Variants in ZNF43 observed in about 807,000 individuals in gnomAD.
ZNF43 encodes zinc finger protein 43, also known as zinc finger protein 39-like 1 (KOX 27).
A neutral mutation model predicts 68.4 loss-of-function variants in ZNF43; 44 were observed. That is an observed-to-expected ratio of 0.64 (90% CI 0.51 to 0.83). The LOEUF (loss-of-function observed/expected upper bound fraction) is 0.83. Among genes scored for constraint, ZNF43 ranks in the 40% least tolerant of loss-of-function variants. The pLI is 0.00. For synonymous variants in ZNF43, 308 were observed against 307.8 expected (o/e 1.00, Z -0.01); for missense variants, 896 against 933.2 (o/e 0.96, Z 0.52).
At chr19:21,851,875 C>T in intron 1 of ZNF43, 4 of 1,561,894 alleles carry the variant, frequency 2.6e-6, no homozygotes, top group Non-Finnish European at 2.6e-6. Flanking sequence ...CTGCTCTCCC[C>T]TCTCGGGATG....
At position 21,819,221 on chromosome 19, in the gene ZNF43, C is replaced by A; in HGVS notation, c.4G>T (p.Gly2Ter). 1 of 1,586,056 alleles carries A rather than the reference C, an allele frequency of 6.3e-7. No individual in the cohort carries two copies. The highest frequency in any genetic ancestry group is 8.5e-7 in the Non-Finnish European group (1 of 1,171,100). The part of the protein sequence containing the change: M[G>*]PLTFMDVAIE... ...GCCACATCCATAAATGTCAATGGTC[C>A]CTAAAAAAAACAACACATACACACA... The change falls in exon 2 of 4, where the codon GGA (glycine) becomes TGA (stop). Residue 2 changes from glycine to a stop codon, truncating the protein, a stop_gained and splice_region_variant. Coordinates refer to ENST00000354959, the MANE Select transcript of ZNF43 (RefSeq NM_003423.4). LOFTEE classifies it high-confidence loss of function.
At chr19:21,833,039 T>C (rs1240729599) in intron 1 of ZNF43, among the ~76,000 whole-genome samples, 1 of 152,214 alleles carries the variant, frequency 6.6e-6, no homozygotes, top group East Asian at 1.9e-4. Flanking sequence ...CTGATGTTTT[T>C]ATGAATCTGT....
chr19:21,812,162 T>G, intron 3 of ZNF43: 1 of 370,290 alleles, frequency 2.7e-6, no homozygotes, highest in Non-Finnish European at 4.8e-6. Context: ...AGTCTCACTC[T>G]GTCACCCATG....
chr19:21,808,971 T>A lies in ZNF43; in HGVS notation c.1066A>T (p.Asn356Tyr). 6.2e-7 allele frequency: 1 copy of A among 1,613,842 alleles called. No homozygotes were observed. Among genetic ancestry groups the A allele is most frequent in the South Asian group, 1.1e-5 (1 of 91,070 alleles). Residue 356 changes from asparagine to tyrosine, a missense_variant, in exon 4 of 4, where the codon AAC becomes TAC. Physicochemically the swap from Asn to Tyr is moderately radical, Grantham distance 143 (BLOSUM62 -2). Transcript: ENST00000354959. ...TGGATTCTCTTATGTGTAGTAAGGT[T>A]TGAGAACTGGTTAAAGGCTTTGCCA... ...ECGKAFNQFS[N>Y]LTTHKRIHTA...
At chr19:21,836,251 G>A (rs969166032), upstream of ZNF43, 29 of 1,387,536 alleles carry the variant, frequency 2.1e-5, no homozygotes, top group South Asian at 9.5e-5. Context: ...ACGGTTTCCA[G>A]CCCAGCGTCC....
At position 21,823,923 on chromosome 19, in the gene ZNF43, G is replaced by A. The variant is rs974571844; in HGVS notation, c.4-4702C>T. Among the ~76,000 whole-genome samples the A allele has an allele frequency of 3.9e-5, 6 of 152,188 alleles. No homozygotes were observed. In the East Asian group the frequency reaches 5.8e-4, roughly 15 times the overall value. On this transcript the variant is annotated intron_variant, in intron 1 of 3. Coordinates refer to ENST00000354959, the MANE Select transcript of ZNF43 (RefSeq NM_003423.4). The stretch of plus-strand genomic sequence containing the variant: ...TGCCTGGCCAGGCGCAGTGGCTCAC[G>A]AATGTAATCCCAGCATTTGGGGAGG...
At chr19:21,810,735 G>A (rs2037232755) in intron 3 of ZNF43, among the ~76,000 whole-genome samples, 1 of 151,980 alleles carries the variant, frequency 6.6e-6, no homozygotes, top group Admixed American at 6.6e-5. Flanking sequence ...ATCACTTGGG[G>A]CCACAAGTTT....
chr19:21,849,578 G>A (rs1173216631), intron 1 of ZNF43, among the ~76,000 whole-genome samples: 7 of 151,058 alleles, frequency 4.6e-5, no homozygotes, highest in African/African-American at 1.7e-4. Flanking sequence ...GGGAGGCCGA[G>A]GTGGGTGGAT....
In ZNF43 at chr19:21,830,540, C is replaced by CA. The variant is rs150820697; in HGVS notation, c.3+5495dup. Among the ~76,000 whole-genome samples, 388 of 146,532 alleles carry CA rather than the reference C, an allele frequency of 2.6e-3. 1 individual carries two copies. Among genetic ancestry groups the CA allele is most frequent in the African/African-American group, 9.4e-3 (371 of 39,332 alleles). On this transcript the variant is annotated intron_variant, in intron 1 of 3. Transcript: ENST00000354959. ...GAATAGATCAATTCCTAGACACGTACATCCTCCAAAGACTGAAAAAAAAAA... is the reference window on the plus strand; with the variant it reads ...GAATAGATCAATTCCTAGACACGTACAATCCTCCAAAGACTGAAAAAAAAAA...
Position 21,809,161 on chromosome 19 carries a change from G to C in ZNF43, c.876C>G (p.Ala292=). The C allele has an allele frequency of 1.9e-6, 3 of 1,613,176 alleles. No homozygotes were observed. The highest frequency in any genetic ancestry group is 2.5e-6 in the Non-Finnish European group (3 of 1,179,738). The change falls in exon 4 of 4, where the codon GCC becomes GCG. Residue 292 remains alanine (A), a synonymous_variant. Transcript: ENST00000354959. ...GEKFYKCKEC[A]KAFNQSSNLT... is the part of the protein sequence containing the mutation. ...GGTTTGAGGATTGGTTAAAAGCTTT[G>C]GCACATTCTTTACATTTGTAGAATT...
intron 3 of ZNF43, among the ~76,000 whole-genome samples, chr19:21,811,590 G>C (rs757583092): frequency 4.8e-5 from 7 of 146,260 alleles, no homozygotes; most frequent in Non-Finnish European, 9.0e-5. Context: ...AAACAATAAA[G>C]AGGCATTATA....
upstream of ZNF43, chr19:21,836,273 A>C: frequency 7.5e-7 from 1 of 1,340,732 alleles, no homozygotes; most frequent in Non-Finnish European, 9.6e-7. Context: ...TGATTGGATA[A>C]CTTCTAAGGT....
chr19:21,849,095 C>T (rs11670417), intron 1 of ZNF43, among the ~76,000 whole-genome samples: 5,827 of 152,228 alleles, frequency 0.038, 150 homozygotes, highest in Non-Finnish European at 0.055. Context: ...ACAATTCTAA[C>T]GGTTGGTGGG....
Position 21,807,683 on chromosome 19 carries a change from G to A in ZNF43, c.2354C>T (p.Thr785Ile). The change falls in exon 4 of 4, where the codon ACT becomes ATT. Residue 785 changes from threonine (T) to isoleucine (I), a missense_variant. Coordinates refer to ENST00000354959, the MANE Select transcript of ZNF43 (RefSeq NM_003423.4). ...TTCAGGTTTGTAGAGTTTCTCTCCA[G>A]TATGAATTTTGTTATGTGTAGTAAG... The part of the protein sequence containing the change: ...SNLTTHNKIH[T>I]GEKLYKPEDV... 6.2e-7 allele frequency: 1 copy of A among 1,608,760 alleles called. No homozygotes were observed. Among genetic ancestry groups the A allele is most frequent in the Non-Finnish European group, 8.5e-7 (1 of 1,177,306 alleles).
At chr19:21,844,042 G>A (rs899534757) in intron 1 of ZNF43, among the ~76,000 whole-genome samples, 1 of 152,016 alleles carries the variant, frequency 6.6e-6, no homozygotes, top group African/African-American at 2.4e-5. Flanking sequence ...TATTACCCGA[G>A]GGCTTTATAC....
chr19:21,823,237 G>A (rs1337001759), intron 1 of ZNF43, among the ~76,000 whole-genome samples: 1 of 152,094 alleles, frequency 6.6e-6, no homozygotes, highest in Non-Finnish European at 1.5e-5. Flanking sequence ...CTGGATGATA[G>A]GGATGACTGC....
At chr19:21,842,399 C>A (rs1434903676) in intron 1 of ZNF43, among the ~76,000 whole-genome samples, 9 of 132,162 alleles carry the variant, frequency 6.8e-5, no homozygotes, top group Non-Finnish European at 1.1e-4. Context: ...CAAAGTGAGA[C>A]TCCATCTCAA....
Position 21,808,334 on chromosome 19 carries a change from C to A in ZNF43, c.1703G>T (p.Cys568Phe), listed in dbSNP as rs1321771148. 2.5e-6 allele frequency: 4 copies of A among 1,613,260 alleles called. No individual in the cohort carries two copies. Among genetic ancestry groups the A allele is most frequent in the Non-Finnish European group, 3.4e-6 (4 of 1,179,840 alleles). Residue 568 changes from cysteine (C) to phenylalanine (F), a missense_variant, in exon 4 of 4, where the codon TGT (cysteine) becomes TTT (phenylalanine). By Grantham distance (205) the Cys-to-Phe change is radical. Coordinates refer to ENST00000354959, the MANE Select transcript of ZNF43 (RefSeq NM_003423.4). ...GGTAAAAGCTTTGCCACATTCTTCACACTTGTAGGGTTTCTCTCCAGTATG... is the reference window on the plus strand; with the variant it reads ...GGTAAAAGCTTTGCCACATTCTTCAAACTTGTAGGGTTTCTCTCCAGTATG... ...RIHTGEKPYK[C>F]EECGKAFTQS... is the part of the protein sequence containing the mutation.
intron 1 of ZNF43, among the ~76,000 whole-genome samples, chr19:21,833,298 C>T (rs769608964): frequency 6.6e-6 from 1 of 151,634 alleles, no homozygotes; most frequent in Non-Finnish European, 1.5e-5. Context: ...ACAGAGTTTC[C>T]CTCTTGTCGC....
Sources: gnomAD v4.1 joint callset for allele counts (sites outside exome capture counted in the v4.1 genomes callset) on GRCh38, gnomAD v4.1.1 for gene constraint, MANE v1.5 for transcripts, NCBI Gene and HGNC (gene_info 2026-07-23, HGNC 2026-07-21) for gene names.